NRG1: variants seen among roughly 807,000 people sequenced by gnomAD.
NRG1 encodes the protein neuregulin 1.
NRG1 carries 18 observed loss-of-function variants against 63.8 expected under a neutral mutation model. The ratio of observed to expected loss-of-function variants is 0.28; its 90% CI spans 0.19 to 0.42. The LOEUF is 0.42. Ranked by LOEUF, NRG1 falls within the 10% of genes least tolerant of loss-of-function variation. The pLI is 1.00. For synonymous variants in NRG1, 302 were observed against 301.3 expected (o/e 1.00, Z -0.02); for missense variants, 762 against 814.7 (o/e 0.94, Z 0.79).
At chr8:32,174,635 A>T (rs1442991887) in intron 1 of NRG1, among the ~76,000 whole-genome samples, 5 of 152,192 alleles carry the variant, frequency 3.3e-5, no homozygotes, top group African/African-American at 1.2e-4. Context: ...TGCAATAAAA[A>T]ATGATAAAGG....
At chr8:31,941,136 C>G (rs1158618132) in intron 1 of NRG1, among the ~76,000 whole-genome samples, 1 of 152,020 alleles carries the variant, frequency 6.6e-6, no homozygotes, top group Non-Finnish European at 1.5e-5. Flanking sequence ...AACATAGATG[C>G]AAAAATCCTC....
At chr8:32,278,224 A>T (rs954035895) in intron 1 of NRG1, among the ~76,000 whole-genome samples, 4 of 152,244 alleles carry the variant, frequency 2.6e-5, no homozygotes, top group Non-Finnish European at 5.9e-5. Context: ...GTTCTGATAC[A>T]CAGAACACAG....
chr8:31,782,773 A>C (rs957551922), intron 1 of NRG1, among the ~76,000 whole-genome samples: 5 of 152,176 alleles, frequency 3.3e-5, no homozygotes, highest in African/African-American at 1.2e-4. Context: ...TCTCGTTAAA[A>C]TGTGAACTGT....
At chr8:31,887,850 T>C (rs1830840860) in intron 1 of NRG1, among the ~76,000 whole-genome samples, 2 of 152,038 alleles carry the variant, frequency 1.3e-5, no homozygotes, top group South Asian at 4.1e-4. Context: ...AAAGGAAGTA[T>C]GCTCTGAAAG....
intron 5 of NRG1, among the ~76,000 whole-genome samples, chr8:32,689,772 C>T (rs1811112255): frequency 6.6e-6 from 1 of 152,048 alleles, no homozygotes; most frequent in African/African-American, 2.4e-5. Context: ...AGCTGATTCA[C>T]ATCGTTTTCA....
At chr8:31,733,364 T>C (rs1221173577) in intron 1 of NRG1, among the ~76,000 whole-genome samples, 1 of 152,166 alleles carries the variant, frequency 6.6e-6, no homozygotes, top group Non-Finnish European at 1.5e-5. Context: ...CAAATGGTAG[T>C]TCTTTAAACT....
chr8:32,055,309 A>C (rs1236801359), intron 1 of NRG1, among the ~76,000 whole-genome samples: 1 of 152,168 alleles, frequency 6.6e-6, no homozygotes, highest in East Asian at 1.9e-4. Flanking sequence ...ATCTTTCTAT[A>C]TAACACATTT....
At chr8:32,289,542 T>A (rs944207083) in intron 1 of NRG1, among the ~76,000 whole-genome samples, 2 of 152,232 alleles carry the variant, frequency 1.3e-5, no homozygotes, top group Non-Finnish European at 2.9e-5. Context: ...AAGTTCAGCT[T>A]ACAAACCTTC....
intron 1 of NRG1, among the ~76,000 whole-genome samples, chr8:32,360,866 C>T (rs2129481243): frequency 6.6e-6 from 1 of 152,238 alleles, no homozygotes; most frequent in Non-Finnish European, 1.5e-5. Flanking sequence ...AAAACAAAGC[C>T]ATAAGGCCAT....
intron 1 of NRG1, among the ~76,000 whole-genome samples, chr8:31,720,755 T>C (rs771124361): frequency 1.3e-5 from 2 of 152,190 alleles, no homozygotes; most frequent in Non-Finnish European, 1.5e-5. Flanking sequence ...ATGCAGAGTT[T>C]ATGGAAGTTA....
intron 1 of NRG1, among the ~76,000 whole-genome samples, chr8:32,584,247 TA>T (rs1841222136): frequency 1.3e-5 from 2 of 152,170 alleles, no homozygotes; most frequent in Non-Finnish European, 2.9e-5. Context: ...ACAATCTGTT[TA>T]ATTTGATTTT....
At chr8:32,767,613 T>C (rs1831527011) in exon 12 of NRG1, 1 of 152,228 alleles carries the variant, frequency 6.6e-6, no homozygotes, top group Non-Finnish European at 1.5e-5. Flanking sequence ...TGTAACATTG[T>C]AAATAACATA....
chr8:32,593,576 C>G (rs1383382835), intron 1 of NRG1, among the ~76,000 whole-genome samples: 1 of 151,842 alleles, frequency 6.6e-6, no homozygotes, highest in Non-Finnish European at 1.5e-5. Context: ...ATCACTTGAG[C>G]CCAATAGGTG....
At chr8:31,800,011 T>C (rs1442275549) in intron 1 of NRG1, among the ~76,000 whole-genome samples, 1 of 152,240 alleles carries the variant, frequency 6.6e-6, no homozygotes, top group Non-Finnish European at 1.5e-5. Context: ...ACAGGTTAAT[T>C]GATGCAATTC....
chr8:31,813,749 A>G (rs1823163546), intron 1 of NRG1, among the ~76,000 whole-genome samples: 1 of 151,266 alleles, frequency 6.6e-6, no homozygotes, highest in Non-Finnish European at 1.5e-5. Flanking sequence ...CTGGTCTCGA[A>G]CTCCTCGGCT....
At chr8:32,281,184 C>CTTTTATTTTTTTTTTT (rs1852782451) in intron 1 of NRG1, among the ~76,000 whole-genome samples, 1 of 94,326 alleles carries the variant, frequency 1.1e-5, no homozygotes, top group African/African-American at 4.5e-5. Flanking sequence ...GTAGTTTTTC[C>CTTTTATTTTTTTTTTT]TTTTTTTTTT....
intron 1 of NRG1, among the ~76,000 whole-genome samples, chr8:32,177,148 A>G (rs919881645): frequency 3.3e-5 from 5 of 152,140 alleles, no homozygotes; most frequent in Non-Finnish European, 7.3e-5. Context: ...CTATGCAGCC[A>G]TAAAAAATGA....
intron 1 of NRG1, among the ~76,000 whole-genome samples, chr8:32,541,617 T>G (rs963989718): frequency 2.6e-5 from 4 of 152,158 alleles, no homozygotes; most frequent in African/African-American, 9.7e-5. Context: ...ATTATAAATT[T>G]AACAGGGTTG....
chr8:32,187,297 A>G (rs1842060233), intron 1 of NRG1, among the ~76,000 whole-genome samples: 1 of 152,094 alleles, frequency 6.6e-6, no homozygotes, highest in Non-Finnish European at 1.5e-5. Flanking sequence ...GCTGATTTTG[A>G]TTTCCATGGC....
Sources: allele counts gnomAD v4.1 joint callset (sites outside exome capture counted in the v4.1 genomes callset), GRCh38; gene constraint gnomAD v4.1.1; transcripts MANE v1.5; gene names NCBI Gene and HGNC (gene_info 2026-07-23, HGNC 2026-07-21).